Variants in AGBL4 observed in about 807,000 individuals in gnomAD.
AGBL4 encodes the protein cytosolic carboxypeptidase 6.
In AGBL4, 58 loss-of-function variants were observed where a neutral mutation model predicts 66.4. The observed-to-expected ratio is 0.87, with a 90% CI of 0.71 to 1.09. The LOEUF is 1.09. Among genes scored for constraint, AGBL4 ranks in the 50% least tolerant of loss-of-function variants. AGBL4 has a pLI of 0.00. For synonymous variants in AGBL4, 234 were observed against 222.9 expected (o/e 1.05, Z -0.44); for missense variants, 579 against 631.0 (o/e 0.92, Z 0.88).
intron 6 of AGBL4, among the ~76,000 whole-genome samples, chr1:48,750,857 G>T (rs910591302): frequency 2.6e-5 from 4 of 152,078 alleles, no homozygotes; most frequent in African/African-American, 9.7e-5. Flanking sequence ...TGAACTCTGG[G>T]GTTCCTTATA....
At chr1:48,961,106 T>TGTGC (rs935435997) in intron 5 of AGBL4, among the ~76,000 whole-genome samples, 4 of 151,358 alleles carry the variant, frequency 2.6e-5, no homozygotes, top group East Asian at 1.9e-4. Flanking sequence ...TGTGTGTGTG[T>TGTGC]GCGTGTATGT....
intron 5 of AGBL4, among the ~76,000 whole-genome samples, chr1:48,975,620 C>T (rs1335629485): frequency 3.9e-5 from 6 of 152,068 alleles, no homozygotes; most frequent in Admixed American, 3.9e-4. Flanking sequence ...TATAATCTGA[C>T]TCCCAGGAAG....
At position 48,998,809 on chromosome 1, in the gene AGBL4, G is replaced by C. The variant is rs150131082; in HGVS notation, c.594+46775C>G. On this transcript the variant is annotated intron_variant, in intron 5 of 13. Transcript: ENST00000371839. ...TCATTGTTCTTTAAGTCACAGTACTGTTGGGTTTCCTTGACTATTATTAAC... is the reference window on the plus strand; with the variant it reads ...TCATTGTTCTTTAAGTCACAGTACTCTTGGGTTTCCTTGACTATTATTAAC... Among the ~76,000 whole-genome samples, 920 of 152,274 alleles carry C rather than the reference G, an allele frequency of 6.0e-3. 4 individuals are homozygous for C. Among genetic ancestry groups the C allele is most frequent in the Non-Finnish European group, 8.7e-3 (595 of 68,028 alleles).
At chr1:49,317,868 A>G (rs1296337779) in intron 3 of AGBL4, among the ~76,000 whole-genome samples, 1 of 152,066 alleles carries the variant, frequency 6.6e-6, no homozygotes. Context: ...TGCTCTTATG[A>G]GGGTTTTGTG....
chr1:49,410,465 G>C (rs2148626201), intron 3 of AGBL4, among the ~76,000 whole-genome samples: 1 of 152,230 alleles, frequency 6.6e-6, no homozygotes, highest in South Asian at 2.1e-4. Flanking sequence ...GTGGAAGGGA[G>C]CATTTTAACA....
chr1:49,688,890 T>C (rs1383568922), intron 3 of AGBL4, among the ~76,000 whole-genome samples: 1 of 152,250 alleles, frequency 6.6e-6, no homozygotes, highest in African/African-American at 2.4e-5. Context: ...GAAATGTCTG[T>C]TCAGAACTTT....
At chr1:48,744,875 C>T (rs990330072) in intron 6 of AGBL4, among the ~76,000 whole-genome samples, 35 of 152,176 alleles carry the variant, frequency 2.3e-4, no homozygotes, top group Non-Finnish European at 2.9e-4. Context: ...TTGTTCCAGG[C>T]CTCTGTGCTG....
chr1:49,799,961 G>T (rs961067451), intron 2 of AGBL4, among the ~76,000 whole-genome samples: 1 of 152,146 alleles, frequency 6.6e-6, no homozygotes, highest in Non-Finnish European at 1.5e-5. Flanking sequence ...AAAGAAGAGG[G>T]AGGGTAGGAG....
At chr1:48,643,049 A>G (rs1279732200) in intron 8 of AGBL4, among the ~76,000 whole-genome samples, 2 of 152,198 alleles carry the variant, frequency 1.3e-5, no homozygotes, top group African/African-American at 4.8e-5. Context: ...TGAGGACTCA[A>G]TGAAATCATA....
intron 5 of AGBL4, among the ~76,000 whole-genome samples, chr1:48,906,424 G>A (rs932929154): frequency 2.6e-5 from 4 of 152,092 alleles, no homozygotes; most frequent in African/African-American, 9.7e-5. Flanking sequence ...AGTATGTGAG[G>A]GATGGCTGTC....
intron 5 of AGBL4, among the ~76,000 whole-genome samples, chr1:48,993,136 C>T (rs1429159461): frequency 1.3e-5 from 2 of 152,176 alleles, no homozygotes; most frequent in Admixed American, 6.5e-5. Flanking sequence ...CCAAGGCCTA[C>T]AACATGTATG....
chr1:48,789,290 A>ATT (rs200014465), intron 6 of AGBL4, among the ~76,000 whole-genome samples: 906 of 63,204 alleles, frequency 0.014, 7 homozygotes, highest in African/African-American at 0.033. Flanking sequence ...ATATATATAT[A>ATT]TATATTTTTT....
At chr1:48,554,232 A>C (rs1316682374) in intron 11 of AGBL4, among the ~76,000 whole-genome samples, 2 of 152,198 alleles carry the variant, frequency 1.3e-5, no homozygotes, top group Non-Finnish European at 2.9e-5. Context: ...ATTAGGCCTG[A>C]ATCTGAAGCA....
chr1:49,613,840 G>C (rs1232993167), intron 3 of AGBL4, among the ~76,000 whole-genome samples: 1 of 152,116 alleles, frequency 6.6e-6, no homozygotes, highest in East Asian at 1.9e-4. Context: ...CCCCATCCCA[G>C]TCCATAGAAA....
chr1:49,615,557 T>G (rs1166079189), intron 3 of AGBL4, among the ~76,000 whole-genome samples: 1 of 152,122 alleles, frequency 6.6e-6, no homozygotes, highest in African/African-American at 2.4e-5. Flanking sequence ...ATTCCTGATG[T>G]TAGAGAACTC....
At chr1:48,541,066 C>A (rs975619804) in intron 11 of AGBL4, among the ~76,000 whole-genome samples, 3 of 152,210 alleles carry the variant, frequency 2.0e-5, no homozygotes, top group African/African-American at 7.2e-5. Context: ...CTTGCTACCT[C>A]CCACCTACTC....
chr1:48,833,522 G>A (rs895844063), intron 6 of AGBL4, among the ~76,000 whole-genome samples: 7 of 152,196 alleles, frequency 4.6e-5, no homozygotes, highest in Admixed American at 4.6e-4. Flanking sequence ...CAAGCTGAAT[G>A]TAAAGATTTG....
intron 4 of AGBL4, among the ~76,000 whole-genome samples, chr1:49,201,493 T>C (rs1428812182): frequency 6.6e-6 from 1 of 152,212 alleles, no homozygotes; most frequent in East Asian, 1.9e-4. Context: ...TTCCACTTTG[T>C]CAAAGTCCTT....
intron 1 of AGBL4, among the ~76,000 whole-genome samples, chr1:49,948,582 T>TATAG (rs1262445487): frequency 2.4e-5 from 3 of 126,914 alleles, no homozygotes; most frequent in African/African-American, 9.2e-5. Flanking sequence ...TATATATATA[T>TATAG]AGAGAGAGAG....
Sources: gnomAD v4.1 joint callset for allele counts (sites outside exome capture counted in the v4.1 genomes callset) on GRCh38, gnomAD v4.1.1 for gene constraint, MANE v1.5 for transcripts, NCBI Gene and HGNC (gene_info 2026-07-23, HGNC 2026-07-21) for gene names.